B3GALT1: variants seen among roughly 807,000 people sequenced by gnomAD.
The protein encoded by B3GALT1 is beta-1,3-galactosyltransferase 1, also known as UDP-Gal:betaGlcNAc beta 1,3-galactosyltransferase, polypeptide 1.
In B3GALT1, 10 loss-of-function variants were observed where a neutral mutation model predicts 23.2. That is an observed-to-expected ratio of 0.43 (90% CI 0.27 to 0.73). The LOEUF is 0.73. Among genes scored for constraint, B3GALT1 ranks in the 30% least tolerant of loss-of-function variants. B3GALT1 has a pLI of 0.21. For synonymous variants in B3GALT1, 156 were observed against 141.5 expected, an observed-to-expected ratio of 1.10 and a Z score of -0.73; for missense variants, 299 against 405.4, an observed-to-expected ratio of 0.74 and a Z score of 2.25.
At chr2:167,823,198 G>A (rs139826308) in intron 4 of B3GALT1, among the ~76,000 whole-genome samples, 17 of 152,280 alleles carry the variant, frequency 1.1e-4, no homozygotes, top group African/African-American at 3.4e-4. Context: ...AAGCAGCAAC[G>A]CTAGGTTGTT....
intron 2 of B3GALT1, among the ~76,000 whole-genome samples, chr2:167,618,624 T>A (rs1267490334): frequency 1.3e-5 from 2 of 151,980 alleles, no homozygotes; most frequent in African/African-American, 2.4e-5. Context: ...ACAAAAAAAA[T>A]TTCTAGTCTA....
intron 3 of B3GALT1, among the ~76,000 whole-genome samples, chr2:167,761,878 A>G (rs1163468417): frequency 6.6e-6 from 1 of 152,202 alleles, no homozygotes; most frequent in Non-Finnish European, 1.5e-5. Context: ...ATGGTCTCTC[A>G]TGTCTGTTAA....
At chr2:167,527,149 T>C (rs1683236400) in intron 2 of B3GALT1, among the ~76,000 whole-genome samples, 1 of 152,114 alleles carries the variant, frequency 6.6e-6, no homozygotes, top group African/African-American at 2.4e-5. Context: ...CTATTTCTCA[T>C]TTCTTGGGAG....
At chr2:167,338,066 G>T (rs1402838743) in intron 1 of B3GALT1, among the ~76,000 whole-genome samples, 1 of 152,100 alleles carries the variant, frequency 6.6e-6, no homozygotes, top group Admixed American at 6.6e-5. Context: ...GATTGAAAAG[G>T]TGATAAGATT....
At chr2:167,673,133 G>A (rs1228823049) in intron 3 of B3GALT1, among the ~76,000 whole-genome samples, 6 of 152,020 alleles carry the variant, frequency 3.9e-5, no homozygotes, top group African/African-American at 7.2e-5. Flanking sequence ...ATGGGAGAAC[G>A]TTATAGAGCA....
intron 2 of B3GALT1, among the ~76,000 whole-genome samples, chr2:167,578,183 G>A (rs182447782): frequency 3.4e-4 from 52 of 152,020 alleles, no homozygotes; most frequent in Non-Finnish European, 4.3e-4. Context: ...ATAGTATTGA[G>A]TTCTGGAAAG....
chr2:167,395,069 A>G (rs933009851), intron 1 of B3GALT1, among the ~76,000 whole-genome samples: 8 of 152,142 alleles, frequency 5.3e-5, no homozygotes, highest in Non-Finnish European at 1.0e-4. Flanking sequence ...AGTTGATAAT[A>G]TTAGAGGATT....
At chr2:167,597,891 ATAT>A (rs1218898037) in intron 2 of B3GALT1, among the ~76,000 whole-genome samples, 3 of 152,298 alleles carry the variant, frequency 2.0e-5, no homozygotes, top group Non-Finnish European at 2.9e-5. Flanking sequence ...AGATTTGTAG[ATAT>A]TATATGAGGG....
intron 1 of B3GALT1, among the ~76,000 whole-genome samples, chr2:167,397,371 G>C (rs1180265039): frequency 6.6e-6 from 1 of 151,262 alleles, no homozygotes; most frequent in Non-Finnish European, 1.5e-5. Flanking sequence ...CATTTTTCCT[G>C]AGGCAAATAT....
At chr2:167,784,194 A>G (rs1292002923) in intron 3 of B3GALT1, among the ~76,000 whole-genome samples, 1 of 152,206 alleles carries the variant, frequency 6.6e-6, no homozygotes, top group East Asian at 1.9e-4. Context: ...AAGCTGAATC[A>G]TCAGAATACC....
At chr2:167,430,884 C>T (rs968741893) in intron 1 of B3GALT1, among the ~76,000 whole-genome samples, 7 of 152,146 alleles carry the variant, frequency 4.6e-5, no homozygotes, top group African/African-American at 1.7e-4. Context: ...TCAGAGAATG[C>T]AGTATACATG....
chr2:167,812,257 T>C (rs529266171), intron 3 of B3GALT1, among the ~76,000 whole-genome samples: 4 of 152,340 alleles, frequency 2.6e-5, no homozygotes, highest in South Asian at 2.1e-4. Flanking sequence ...AGAAATCCAG[T>C]TGGGCAGAAG....
chr2:167,367,103 C>T (rs79628583), intron 1 of B3GALT1, among the ~76,000 whole-genome samples: 2,463 of 152,286 alleles, frequency 0.016, 71 homozygotes, highest in African/African-American at 0.056. Flanking sequence ...TATTACATCA[C>T]ACTGAGTTTA....
chr2:167,804,859 G>T (rs570515558), intron 3 of B3GALT1, among the ~76,000 whole-genome samples: 22 of 152,262 alleles, frequency 1.4e-4, no homozygotes, highest in Non-Finnish European at 2.2e-4. Flanking sequence ...GGATTGCTGG[G>T]TCAAACGGTA....
chr2:167,522,076 A>G (rs1357375018), intron 2 of B3GALT1, among the ~76,000 whole-genome samples: 2 of 150,266 alleles, frequency 1.3e-5, no homozygotes, highest in East Asian at 3.9e-4. Context: ...GGCCCAAAAT[A>G]TATTAGGAAT....
At chr2:167,669,178 G>GT (rs1160468821) in intron 3 of B3GALT1, among the ~76,000 whole-genome samples, 1 of 151,982 alleles carries the variant, frequency 6.6e-6, no homozygotes, top group African/African-American at 2.4e-5. Flanking sequence ...ACTTTTTACT[G>GT]TTTTTTTCTC....
intron 1 of B3GALT1, among the ~76,000 whole-genome samples, chr2:167,308,150 G>A (rs989958952): frequency 6.6e-6 from 1 of 151,974 alleles, no homozygotes; most frequent in African/African-American, 2.4e-5. Flanking sequence ...ACCTTAGGCA[G>A]TAGATGTTAC....
At chr2:167,557,753 T>C (rs899142367) in intron 2 of B3GALT1, among the ~76,000 whole-genome samples, 1 of 151,896 alleles carries the variant, frequency 6.6e-6, no homozygotes, top group South Asian at 2.1e-4. Flanking sequence ...ATGAACATTA[T>C]GTACTTTTCT....
rs192659008 is a variant in B3GALT1 at position 167,370,868 on chromosome 2, G to A, written c.-511+77534G>A. On this transcript the variant is annotated intron_variant, in intron 1 of 4. Transcript: ENST00000392690. ...TTGAACCTGGAAGGTGGAGGTTGCAGTGAGCTGAGATCACGCCACTGCACT... is the reference window on the plus strand; with the variant it reads ...TTGAACCTGGAAGGTGGAGGTTGCAATGAGCTGAGATCACGCCACTGCACT... Among the ~76,000 whole-genome samples the A allele has an allele frequency of 7.2e-4, 110 of 152,270 alleles. 1 individual carries two copies. The highest frequency in any genetic ancestry group is 6.6e-3 in the South Asian group (32 of 4,822).
Sources: allele counts gnomAD v4.1 joint callset (sites outside exome capture counted in the v4.1 genomes callset), GRCh38; gene constraint gnomAD v4.1.1; transcripts MANE v1.5; gene names NCBI Gene and HGNC (gene_info 2026-07-23, HGNC 2026-07-21).